WDR25: variants seen among roughly 807,000 people sequenced by gnomAD.
WDR25 encodes WD repeat domain 25.
A neutral mutation model predicts 47.7 loss-of-function variants in WDR25; 35 were observed. The ratio of observed to expected loss-of-function variants is 0.73; its 90% CI spans 0.56 to 0.97. WDR25 has a LOEUF of 0.97. WDR25 is among the 50% of genes least tolerant of loss of function. The pLI, the probability that WDR25 is intolerant of heterozygous loss-of-function variation, is 0.00. For missense variants in WDR25, 634 were observed against 704.7 expected (o/e 0.90, Z 1.14); for synonymous variants, 248 against 278.9 (o/e 0.89, Z 1.10).
At chr14:100,441,592 G>A (rs1337919538) in intron 2 of WDR25, among the ~76,000 whole-genome samples, 1 of 152,188 alleles carries the variant, frequency 6.6e-6, no homozygotes, top group East Asian at 1.9e-4. Context: ...GCTGGGGCCT[G>A]CAGATGGGCT....
chr14:100,465,227 A>G (rs1899589054), intron 2 of WDR25, among the ~76,000 whole-genome samples: 1 of 151,944 alleles, frequency 6.6e-6, no homozygotes, highest in Non-Finnish European at 1.5e-5. Context: ...AAAATTGACC[A>G]TCTTCACCGC....
At chr14:100,512,316 T>C (rs1362006527) in intron 4 of WDR25, among the ~76,000 whole-genome samples, 7 of 152,202 alleles carry the variant, frequency 4.6e-5, no homozygotes, top group Admixed American at 1.3e-4. Flanking sequence ...AATCTTTGAG[T>C]GACTTTTGAT....
intron 2 of WDR25, among the ~76,000 whole-genome samples, chr14:100,419,107 A>G (rs923881653): frequency 6.6e-6 from 1 of 151,688 alleles, no homozygotes; most frequent in Non-Finnish European, 1.5e-5. Flanking sequence ...CTGTAATCAC[A>G]GCTACTTGGG....
At chr14:100,436,482 A>T (rs1003673424) in intron 2 of WDR25, among the ~76,000 whole-genome samples, 2 of 152,200 alleles carry the variant, frequency 1.3e-5, no homozygotes, top group Non-Finnish European at 2.9e-5. Context: ...ACATGTTTTG[A>T]TGGCATCTTA....
intron 2 of WDR25, among the ~76,000 whole-genome samples, chr14:100,401,569 T>C (rs1897383292): frequency 6.6e-6 from 1 of 152,224 alleles, no homozygotes; most frequent in Admixed American, 6.5e-5. Context: ...TGATCACTTC[T>C]TCCTCCCCAG....
chr14:100,413,253 C>T (rs374568421), intron 2 of WDR25, among the ~76,000 whole-genome samples: 6 of 152,206 alleles, frequency 3.9e-5, no homozygotes, highest in African/African-American at 1.2e-4. Context: ...ATGCAACCAT[C>T]GCTCCAATCA....
Position 100,381,504 on chromosome 14 carries a change from G to A in WDR25, c.580G>A (p.Gly194Ser), listed in dbSNP as rs554399184. Residue 194 changes from glycine to serine, a missense_variant, in exon 2 of 7, where the codon GGT (glycine) becomes AGT (serine). Coordinates refer to ENST00000402312, the MANE Select transcript of WDR25 (RefSeq NM_001161476.3). ...GGCATTAAGCACGGAGACAGGCAAGGGTAAAGACGTGGAGCCACAGGGGCC... is the reference window on the plus strand; with the variant it reads ...GGCATTAAGCACGGAGACAGGCAAGAGTAAAGACGTGGAGCCACAGGGGCC... ...RQALSTETGK[G>S]KDVEPQGPPA... 5.6e-6 allele frequency: 9 copies of A among 1,614,176 alleles called. No homozygotes were observed. Among genetic ancestry groups the A allele is most frequent in the Admixed American group, 1.7e-5 (1 of 60,028 alleles).
Position 100,529,017 on chromosome 14 carries a change from G to A in WDR25, c.1273-51G>A. 2 of 1,499,168 alleles carry A rather than the reference G, an allele frequency of 1.3e-6. No individual in the cohort carries two copies. The highest frequency in any genetic ancestry group is 1.4e-5 in the African/African-American group (1 of 71,320). The allele number at this position is 1,499,168 out of a possible 1,614,324, so 92.9% of individuals were successfully genotyped here. ...CAGGCCCCAGGCCCCAGAGCAGAGTGCCAGGTTGGGGGTGTCTTCTCTGAC... is the reference window on the plus strand; with the variant it reads ...CAGGCCCCAGGCCCCAGAGCAGAGTACCAGGTTGGGGGTGTCTTCTCTGAC... On this transcript the variant is annotated intron_variant, in intron 5 of 6. Transcript: ENST00000402312. This position sits in a 1 kb window ranked among gnomAD's most constrained non-coding sequence, Gnocchi z 5.1.
chr14:100,473,071 C>T (rs1301889723), intron 3 of WDR25, among the ~76,000 whole-genome samples: 1 of 152,212 alleles, frequency 6.6e-6, no homozygotes, highest in Non-Finnish European at 1.5e-5. Context: ...CTTGTCTCTC[C>T]CTTGTTTTCA....
At chr14:100,458,872 A>G (rs1056541839) in intron 2 of WDR25, among the ~76,000 whole-genome samples, 1 of 152,206 alleles carries the variant, frequency 6.6e-6, no homozygotes, top group African/African-American at 2.4e-5. Flanking sequence ...CAATATAAAA[A>G]ATTTGTGCAG....
chr14:100,527,419 T>A (rs1311190847), intron 5 of WDR25, among the ~76,000 whole-genome samples: 1 of 152,234 alleles, frequency 6.6e-6, no homozygotes, highest in Non-Finnish European at 1.5e-5. Flanking sequence ...TCTCTGAATT[T>A]AAAACTGTAT....
At chr14:100,455,328 A>C (rs532794115) in intron 2 of WDR25, 2 of 152,334 alleles carry the variant, frequency 1.3e-5, no homozygotes, top group South Asian at 4.1e-4. Flanking sequence ...GGACTTGGAG[A>C]TAGATCAACA....
In WDR25 at chr14:100,525,719, A is replaced by T. The variant is rs1566949463; in HGVS notation, c.1102-151A>T. The T allele has an allele frequency of 2.3e-6, 2 of 862,126 alleles. No homozygotes were observed. 53.4% of individuals were successfully genotyped at this position (862,126 alleles called of 1,614,324 possible). A position where few individuals can be genotyped will look rare whatever the true frequency, so the allele number is the denominator to read the frequency against. On this transcript the variant is annotated intron_variant, in intron 4 of 6. Coordinates refer to ENST00000402312, the MANE Select transcript of WDR25 (RefSeq NM_001161476.3). The surrounding 1 kb of genome is among the most constrained non-coding windows in gnomAD (Gnocchi z 4.6). ...GGGGCAGGAGGGTCCATGATTCCAT[A>T]TATGGCTTGTGGGTGCTGCTCAGCC...
intron 4 of WDR25, among the ~76,000 whole-genome samples, chr14:100,484,775 C>T (rs1244180653): frequency 1.3e-5 from 2 of 152,142 alleles, no homozygotes; most frequent in Non-Finnish European, 2.9e-5. Context: ...TTCTCCAAAA[C>T]TTGGACATTT....
At chr14:100,467,817 T>A (rs926286116) in intron 2 of WDR25, among the ~76,000 whole-genome samples, 1 of 152,092 alleles carries the variant, frequency 6.6e-6, no homozygotes, top group Non-Finnish European at 1.5e-5. Flanking sequence ...CAGAAAAAAT[T>A]TGGGGAAATG....
intron 2 of WDR25, among the ~76,000 whole-genome samples, chr14:100,397,872 T>C (rs1452619371): frequency 6.6e-6 from 1 of 152,220 alleles, no homozygotes; most frequent in East Asian, 1.9e-4. Flanking sequence ...GGAGTCTTGC[T>C]CTGTCGCCTA....
intron 2 of WDR25, among the ~76,000 whole-genome samples, chr14:100,461,139 A>G (rs1385462802): frequency 6.6e-6 from 1 of 152,182 alleles, no homozygotes; most frequent in African/African-American, 2.4e-5. Context: ...GCTTGAGCCC[A>G]GGAGTTCAAA....
rs747756379 is a variant in WDR25, at chr14:100,529,091, C to T, written c.1296C>T (p.Leu432=). 1.0e-5 allele frequency: 16 copies of T among 1,562,964 alleles called. No homozygotes were observed. The highest frequency in any genetic ancestry group is 3.5e-5 in the South Asian group (3 of 85,256). The change falls in exon 6 of 7, where the codon CTC becomes CTT. Residue 432 remains leucine, a synonymous_variant. Coordinates refer to ENST00000402312, the MANE Select transcript of WDR25 (RefSeq NM_001161476.3). The surrounding 1 kb of genome is among the most constrained non-coding windows in gnomAD (Gnocchi z 5.1). The part of the protein sequence containing the change: ...IFHERFTCPS[L]ALHPREPVFL... The stretch of plus-strand genomic sequence containing the variant: ...AGGAGAGGTTCACCTGCCCCAGCCT[C>T]GCCTTGCACCCGAGAGAGCCCGTGT...
intron 2 of WDR25, among the ~76,000 whole-genome samples, chr14:100,422,289 T>C (rs568515158): frequency 1.3e-5 from 2 of 152,278 alleles, no homozygotes; most frequent in South Asian, 4.1e-4. Context: ...GGCCTCTCCA[T>C]GTGGTCTGGG....
Sources: allele counts gnomAD v4.1 joint callset (sites outside exome capture counted in the v4.1 genomes callset), GRCh38; gene constraint gnomAD v4.1.1; non-coding constraint Gnocchi (gnomAD v3.1); transcripts MANE v1.5; gene names NCBI Gene and HGNC (gene_info 2026-07-23, HGNC 2026-07-21).